Variants in SLC17A6 observed in about 807,000 individuals in gnomAD.
SLC17A6 encodes the protein vesicular glutamate transporter 2.
In SLC17A6, 35 loss-of-function variants were observed where a neutral mutation model predicts 67.1. That is an observed-to-expected ratio of 0.52 (90% confidence interval 0.40 to 0.69). The LOEUF is 0.69. Ranked by LOEUF, SLC17A6 falls within the 30% of genes least tolerant of loss-of-function variation. SLC17A6 has a pLI of 0.00. For missense variants in SLC17A6, 588 were observed against 723.9 expected, an observed-to-expected ratio of 0.81 and a Z score of 2.15; for synonymous variants, 285 against 252.3, an observed-to-expected ratio of 1.13 and a Z score of -1.23.
At position 22,362,752 on chromosome 11, in the gene SLC17A6, A is replaced by G; in HGVS notation, c.675A>G (p.Gly225=). 1 of 1,613,696 alleles carries G rather than the reference A, an allele frequency of 6.2e-7. No homozygotes were observed. ...ATTSFCGSYA[G]AVIAMPLAGI... Reference sequence around the variant, plus strand: ...CTTACACTTTAGGTTCCTATGCCGGAGCTGTGATTGCAATGCCTTTAGCTG... The same window carrying G: ...CTTACACTTTAGGTTCCTATGCCGGGGCTGTGATTGCAATGCCTTTAGCTG... Residue 225 remains glycine, a synonymous_variant, in exon 6 of 12, where the codon GGA becomes GGG. Transcript: ENST00000263160.
chr11:22,356,175 A>C (rs1255624150), intron 3 of SLC17A6, among the ~76,000 whole-genome samples: 1 of 152,208 alleles, frequency 6.6e-6, no homozygotes. Flanking sequence ...GTGAGAATTA[A>C]ATGAGTCAAT....
chr11:22,342,119 G>C (rs1855822429), intron 2 of SLC17A6, among the ~76,000 whole-genome samples: 1 of 152,232 alleles, frequency 6.6e-6, no homozygotes, highest in African/African-American at 2.4e-5. Flanking sequence ...GAATAGTGTA[G>C]CATATTAATT....
At chr11:22,342,870 C>T in intron 2 of SLC17A6, 1 of 450,206 alleles carries the variant, frequency 2.2e-6, no homozygotes, top group Non-Finnish European at 4.4e-6. Flanking sequence ...TCTGCATTGG[C>T]CGGATTCGTT....
chr11:22,378,099 G>A lies in SLC17A6; in HGVS notation c.*359G>A. 3.8e-6 allele frequency: 1 copy of A among 264,224 alleles called. No homozygotes were observed. The highest frequency in any genetic ancestry group is 7.1e-6 in the Non-Finnish European group (1 of 141,302). 16.4% of individuals were successfully genotyped at this position (264,224 alleles called of 1,614,324 possible). On this transcript the variant is annotated 3_prime_UTR_variant, in exon 12 of 12. Coordinates refer to ENST00000263160, the MANE Select transcript of SLC17A6 (RefSeq NM_020346.3). ...TAAGAAGCCAAAGCTACTTGATCAT[G>A]CAAAATGCACTTATATATTTGTTAC...
rs181028247 is a variant in SLC17A6, at chr11:22,345,840, T to A, written c.458+2475T>A. 3.9e-3 allele frequency among the ~76,000 whole-genome samples: 590 copies of A among 152,278 alleles called. 8 individuals are homozygous for A. The highest frequency in any genetic ancestry group is 0.014 in the African/African-American group (571 of 41,564). ...ATTAGTAAGAAAAAAATTATAAAAA[T>A]GATAAAAATTTAATCAGCCTGATAC... On this transcript the variant is annotated intron_variant, in intron 3 of 11. Transcript: ENST00000263160.
Position 22,374,841 on chromosome 11 carries a change from G to A in SLC17A6, c.1128G>A (p.Lys376=). The A allele has an allele frequency of 6.2e-7, 1 of 1,613,776 alleles. No homozygotes were observed. The highest frequency in any genetic ancestry group is 8.5e-7 in the Non-Finnish European group (1 of 1,179,868). Residue 376 remains lysine (K), a synonymous_variant, in exon 9 of 12, where the codon AAG becomes AAA. Coordinates refer to ENST00000263160, the MANE Select transcript of SLC17A6 (RefSeq NM_020346.3). The stretch of plus-strand genomic sequence containing the variant: ...AAATTGCAGATTTTCTAAGAAGCAA[G>A]CAGATTCTTTCAACTACGACAGTGA... ...GGQIADFLRS[K]QILSTTTVRK...
At chr11:22,372,134 G>A (rs1261633021) in intron 8 of SLC17A6, among the ~76,000 whole-genome samples, 1 of 151,528 alleles carries the variant, frequency 6.6e-6, no homozygotes, top group East Asian at 1.9e-4. Context: ...AGTTAAATTG[G>A]GTATCCTACA....
chr11:22,360,324 T>C (rs1462252255), intron 4 of SLC17A6, among the ~76,000 whole-genome samples: 1 of 151,998 alleles, frequency 6.6e-6, no homozygotes, highest in African/African-American at 2.4e-5. Flanking sequence ...TGCAGCCTAT[T>C]GGGGAAGGGC....
chr11:22,360,188 G>A (rs1181170613), intron 4 of SLC17A6, among the ~76,000 whole-genome samples: 1 of 151,762 alleles, frequency 6.6e-6, no homozygotes, highest in Non-Finnish European at 1.5e-5. Context: ...GACACAGATG[G>A]AGCTGGAAGC....
intron 3 of SLC17A6, among the ~76,000 whole-genome samples, chr11:22,347,072 T>A (rs1435583062): frequency 6.6e-6 from 1 of 151,946 alleles, no homozygotes; most frequent in Non-Finnish European, 1.5e-5. Flanking sequence ...ATGGCACTTA[T>A]CACCACCTGT....
At position 22,377,498 on chromosome 11, in the gene SLC17A6, C is replaced by G; in HGVS notation, c.1507C>G (p.Gln503Glu). The G allele has an allele frequency of 6.2e-7, 1 of 1,614,044 alleles. No individual in the cohort carries two copies. Among genetic ancestry groups the G allele is most frequent in the Non-Finnish European group, 8.5e-7 (1 of 1,179,978 alleles). ...FYAIFASGEK[Q>E]PWADPEETSE... The stretch of plus-strand genomic sequence containing the variant: ...TGCAATATTTGCCTCAGGAGAGAAA[C>G]AACCCTGGGCAGACCCGGAGGAAAC... The change falls in exon 12 of 12, where the codon CAA becomes GAA. Residue 503 changes from glutamine (Q) to glutamate (E), a missense_variant. Coordinates refer to ENST00000263160, the MANE Select transcript of SLC17A6 (RefSeq NM_020346.3).
rs567520281 is a variant in SLC17A6, at chr11:22,368,967, T to C, written c.892-1072T>C. Among the ~76,000 whole-genome samples the C allele has an allele frequency of 2.0e-5, 3 of 152,152 alleles. No individual in the cohort carries two copies. The South Asian group carries it at 6.2e-4, about 32-fold the overall frequency. ...TCCTACTGTGTTGCATTTAAAGTGA[T>C]CTTTAAAAGGCTTAATTACAGCCAC... On this transcript the variant is annotated intron_variant, in intron 7 of 11. Coordinates refer to ENST00000263160, the MANE Select transcript of SLC17A6 (RefSeq NM_020346.3).
intron 2 of SLC17A6, 48 bp downstream of exon 2, chr11:22,341,828 C>T: frequency 6.3e-7 from 1 of 1,597,128 alleles, no homozygotes; most frequent in African/African-American, 1.3e-5. Context: ...GCCATGCGGC[C>T]TCGCAAAACC....
chr11:22,346,394 G>C (rs1855876089), intron 3 of SLC17A6, among the ~76,000 whole-genome samples: 2 of 152,164 alleles, frequency 1.3e-5, no homozygotes, highest in South Asian at 2.1e-4. Context: ...ATACTACTCA[G>C]ATTCTAAGTA....
At chr11:22,373,714 A>T (rs1230993072) in intron 8 of SLC17A6, among the ~76,000 whole-genome samples, 2 of 152,166 alleles carry the variant, frequency 1.3e-5, no homozygotes, top group East Asian at 3.8e-4. Flanking sequence ...TTTTTATTTA[A>T]TAAGAACACT....
intron 3 of SLC17A6, among the ~76,000 whole-genome samples, chr11:22,345,166 T>C (rs1016080440): frequency 4.6e-5 from 7 of 152,172 alleles, no homozygotes; most frequent in African/African-American, 1.7e-4. Flanking sequence ...GCTTTTCCTC[T>C]TTGTAACACT....
At position 22,365,419 on chromosome 11, in the gene SLC17A6, G is replaced by T. The variant is rs756998069; in HGVS notation, c.749-128G>T. 154 of 1,112,112 alleles carry T rather than the reference G, an allele frequency of 1.4e-4. 1 individual carries two copies. Among genetic ancestry groups the T allele is most frequent in the Non-Finnish European group, 1.9e-4 (139 of 746,320 alleles). 68.9% of individuals were successfully genotyped at this position (1,112,112 alleles called of 1,614,324 possible). A position where few individuals can be genotyped will look rare whatever the true frequency, so the allele number is the denominator to read the frequency against. On this transcript the variant is annotated intron_variant, in intron 6 of 11. Transcript: ENST00000263160. Reference sequence around the variant, plus strand: ...AGAGAAGAAAAGATGGCTAACGTCAGTTGGAGAAACATAAGCTTGAATTCT... The same window carrying T: ...AGAGAAGAAAAGATGGCTAACGTCATTTGGAGAAACATAAGCTTGAATTCT...
At chr11:22,368,528 G>A (rs576037908) in intron 7 of SLC17A6, among the ~76,000 whole-genome samples, 1 of 151,892 alleles carries the variant, frequency 6.6e-6, no homozygotes, top group South Asian at 2.1e-4. Context: ...TAAGGTATAA[G>A]GTGAGATATT....
rs758726697 is a variant in SLC17A6 at position 22,341,768 on chromosome 11, G to T, written c.327G>T (p.Lys109Asn). The change falls in exon 2 of 12, where the codon AAG (lysine) becomes AAT (asparagine). Residue 109 changes from lysine (K) to asparagine (N), a missense_variant. By Grantham distance (94) the Lys-to-Asn change is moderately conservative. Transcript: ENST00000263160. ...VNNSTIHRGG[K>N]VIKEKAKFNW... is the part of the protein sequence containing the mutation. ...ACAGCACCATCCACCGCGGGGGCAA[G>T]GTCATCAAGGAGGTGGGCAACGTCT... The T allele has an allele frequency of 1.2e-6, 2 of 1,613,998 alleles. No homozygotes were observed. The highest frequency in any genetic ancestry group is 1.7e-5 in the Admixed American group (1 of 60,028).
Sources: allele counts gnomAD v4.1 joint callset (sites outside exome capture counted in the v4.1 genomes callset), GRCh38; gene constraint gnomAD v4.1.1; transcripts MANE v1.5; gene names NCBI Gene and HGNC (gene_info 2026-07-23, HGNC 2026-07-21).